Variants in DCAF1 observed in about 807,000 individuals in gnomAD.
DCAF1 encodes DDB1 and CUL4 associated factor 1.
DCAF1 carries 15 observed loss-of-function variants against 128.0 expected under a neutral mutation model. That is an observed-to-expected ratio of 0.12 (90% CI 0.08 to 0.18). The LOEUF (loss-of-function observed/expected upper bound fraction) is 0.18, where lower values mean the gene tolerates loss of function less well. Ranked by LOEUF, DCAF1 falls within the 10% of genes least tolerant of loss-of-function variation. The pLI, the probability that DCAF1 is intolerant of heterozygous loss-of-function variation, is 1.00. For synonymous variants in DCAF1, 610 were observed against 603.0 expected, an observed-to-expected ratio of 1.01 and a Z score of -0.17; for missense variants, 988 against 1,649.5, an observed-to-expected ratio of 0.60 and a Z score of 6.95.
intron 6 of DCAF1, among the ~76,000 whole-genome samples, chr3:51,456,347 T>C (rs555907241): frequency 4.1e-4 from 63 of 152,184 alleles, no homozygotes; most frequent in Middle Eastern, 3.4e-3. Flanking sequence ...AAGGAAGCAG[T>C]GAGACTGGGG....
chr3:51,454,696 C>G (rs533635088), intron 6 of DCAF1, among the ~76,000 whole-genome samples: 1 of 150,844 alleles, frequency 6.6e-6, no homozygotes, highest in African/African-American at 2.4e-5. Context: ...TTTTTTGAGA[C>G]GGAGTCTCGC....
intron 3 of DCAF1, among the ~76,000 whole-genome samples, chr3:51,472,410 A>G (rs781833314): frequency 2.0e-5 from 3 of 152,088 alleles, no homozygotes; most frequent in Non-Finnish European, 4.4e-5. Context: ...GGGTCTTGCT[A>G]TGTTGCCCAG....
chr3:51,490,518 T>A (rs367808790), intron 2 of DCAF1, among the ~76,000 whole-genome samples: 1 of 152,320 alleles, frequency 6.6e-6, no homozygotes, highest in East Asian at 1.9e-4. Context: ...ACCTAAATTT[T>A]AAATAACCTA....
At chr3:51,488,695 T>C (rs976794994) in intron 2 of DCAF1, among the ~76,000 whole-genome samples, 3 of 151,640 alleles carry the variant, frequency 2.0e-5, no homozygotes, top group African/African-American at 7.3e-5. Flanking sequence ...TCCAGCTACT[T>C]GGGAGGGTGA....
At position 51,398,601 on chromosome 3, in the gene DCAF1, G is replaced by A; in HGVS notation, c.*168C>T. The stretch of plus-strand genomic sequence containing the variant: ...TTTGTGGTGGTTATTGATTCTGGAA[G>A]GACCCTCGGGTGCCAATGAGGCTCT... On this transcript the variant is annotated 3_prime_UTR_variant, in exon 25 of 25. Coordinates refer to ENST00000684031, the MANE Select transcript of DCAF1 (RefSeq NM_001387579.1). 1.2e-6 allele frequency: 1 copy of A among 809,882 alleles called. No individual in the cohort carries two copies. The highest frequency in any genetic ancestry group is 1.8e-5 in the South Asian group (1 of 54,564). The allele number at this position is 809,882 out of a possible 1,614,324, so 50.2% of individuals were successfully genotyped here.
upstream of DCAF1, among the ~76,000 whole-genome samples, chr3:51,504,132 G>A (rs1052957256): frequency 6.6e-6 from 1 of 151,530 alleles, no homozygotes; most frequent in African/African-American, 2.4e-5. Context: ...CCGCCTCCTG[G>A]TTCAGGCCAT....
chr3:51,403,348 G>GTCA lies in DCAF1; in HGVS notation c.4257_4259dup (p.Asp1420dup). ...TGTCAAGCTCATCTAAATCATCGGT[G>GTCA]TCATCATCATCTTCATCATCATCTT... On this transcript the variant is annotated inframe_insertion, in exon 24 of 25. Coordinates refer to ENST00000684031, the MANE Select transcript of DCAF1 (RefSeq NM_001387579.1). 6.4e-7 allele frequency: 1 copy of GTCA among 1,555,946 alleles called. No homozygotes were observed. Among genetic ancestry groups the GTCA allele is most frequent in the Non-Finnish European group, 8.7e-7 (1 of 1,149,276 alleles).
chr3:51,466,097 G>A (rs1292718482), intron 5 of DCAF1, among the ~76,000 whole-genome samples: 1 of 152,114 alleles, frequency 6.6e-6, no homozygotes, highest in Non-Finnish European at 1.5e-5. Flanking sequence ...AGCTACTTGG[G>A]AGCCTGAGGC....
At chr3:51,454,865 G>A (rs1479735120) in intron 6 of DCAF1, among the ~76,000 whole-genome samples, 2 of 151,818 alleles carry the variant, frequency 1.3e-5, no homozygotes, top group Non-Finnish European at 2.9e-5. Context: ...AGTAGAGACG[G>A]GGTTTCACTG....
At chr3:51,433,351 A>G (rs1344470393) in intron 9 of DCAF1, 87 bp from the exon 10 acceptor site, 1 of 397,462 alleles carries the variant, frequency 2.5e-6, no homozygotes, top group Non-Finnish European at 4.4e-6. Flanking sequence ...GCTGTTAAAT[A>G]CAAAAGCCCT....
intron 6 of DCAF1, among the ~76,000 whole-genome samples, chr3:51,455,429 ACCT>A (rs1318523489): frequency 2.0e-5 from 3 of 151,648 alleles, no homozygotes; most frequent in East Asian, 1.9e-4. Context: ...ACACAGTGAG[ACCT>A]CGTCTCTACA....
chr3:51,417,071 T>C (rs1431106994), intron 17 of DCAF1, among the ~76,000 whole-genome samples, 200 bp from the exon 18 acceptor site: 1 of 152,058 alleles, frequency 6.6e-6, no homozygotes, highest in Non-Finnish European at 1.5e-5. Context: ...TACAAAATAA[T>C]GAATGGGAAT....
chr3:51,442,192 G>C (rs782130608), intron 7 of DCAF1, among the ~76,000 whole-genome samples: 4 of 152,154 alleles, frequency 2.6e-5, no homozygotes, highest in Non-Finnish European at 5.9e-5. Flanking sequence ...CATCACACCT[G>C]AAGAGGCAGA....
chr3:51,462,532 G>A (rs185120933), intron 6 of DCAF1, among the ~76,000 whole-genome samples: 3 of 152,214 alleles, frequency 2.0e-5, no homozygotes, highest in Admixed American at 2.0e-4. Flanking sequence ...GATCACCTGA[G>A]GTCAGGAGTT....
chr3:51,423,455 T>C (rs1465137741), intron 13 of DCAF1, among the ~76,000 whole-genome samples: 2 of 150,390 alleles, frequency 1.3e-5, no homozygotes, highest in South Asian at 2.1e-4. Flanking sequence ...TGAGCTGAGA[T>C]TGAGCCACCG....
chr3:51,457,330 T>C (rs1045627061), intron 6 of DCAF1, among the ~76,000 whole-genome samples: 43 of 151,852 alleles, frequency 2.8e-4, no homozygotes, highest in African/African-American at 9.2e-4. Context: ...AAGACGAAAT[T>C]AATGAAATGA....
intron 14 of DCAF1, among the ~76,000 whole-genome samples, 183 bp downstream of exon 14, chr3:51,422,124 T>C (rs1395909899): frequency 1.3e-5 from 2 of 152,148 alleles, no homozygotes; most frequent in Admixed American, 1.3e-4. Flanking sequence ...TTTTTGGTTT[T>C]TTTTTTTAAA....
chr3:51,419,587 A>T (rs1699213610), intron 15 of DCAF1, 147 bp downstream of exon 15: 1 of 1,384,854 alleles, frequency 7.2e-7, no homozygotes, highest in Non-Finnish European at 9.5e-7. Context: ...CCCATGGTTG[A>T]CAAAAGGTGG....
intron 17 of DCAF1, among the ~76,000 whole-genome samples, chr3:51,417,544 C>T (rs569929888): frequency 3.3e-5 from 5 of 152,242 alleles, no homozygotes; most frequent in Admixed American, 1.3e-4. Context: ...CACAGTGAAA[C>T]GCTGTCTCTA....
Sources: gnomAD v4.1 joint callset for allele counts (sites outside exome capture counted in the v4.1 genomes callset) on GRCh38, gnomAD v4.1.1 for gene constraint, MANE v1.5 for transcripts, NCBI Gene and HGNC (gene_info 2026-07-23, HGNC 2026-07-21) for gene names.